TMOD1: variants seen among roughly 807,000 people sequenced by gnomAD.
TMOD1 encodes tropomodulin 1.
Under a neutral mutation model 40.6 loss-of-function variants are expected in TMOD1, and 17 were observed. That is an observed-to-expected ratio of 0.42 (90% CI 0.29 to 0.63). The LOEUF (loss-of-function observed/expected upper bound fraction) is 0.63. TMOD1 is among the 20% of genes least tolerant of loss of function. The probability of loss-of-function intolerance (pLI) is 0.22; values close to 1 mark genes in which losing one functional copy is unlikely to be tolerated. For missense variants in TMOD1, 391 were observed against 447.6 expected (o/e 0.87, Z 1.14); for synonymous variants, 181 against 175.0 (o/e 1.03, Z -0.27).
chr9:97,584,519 G>T (rs929068344), intron 8 of TMOD1, among the ~76,000 whole-genome samples: 6 of 151,068 alleles, frequency 4.0e-5, no homozygotes, highest in Non-Finnish European at 8.9e-5. Flanking sequence ...TATTAGGTCC[G>T]CCTGGTGCAG....
At chr9:97,509,299 T>C (rs1251811140) in intron 1 of TMOD1, among the ~76,000 whole-genome samples, 1 of 152,210 alleles carries the variant, frequency 6.6e-6, no homozygotes, top group Non-Finnish European at 1.5e-5. Context: ...AAATAATCCA[T>C]GTAAAGAGCT....
intron 8 of TMOD1, among the ~76,000 whole-genome samples, chr9:97,585,929 A>G (rs1450901595): frequency 1.4e-5 from 2 of 142,762 alleles, no homozygotes; most frequent in East Asian, 2.1e-4. Flanking sequence ...AAAATTTTCA[A>G]CTTCTTTGCC....
intron 1 of TMOD1, among the ~76,000 whole-genome samples, chr9:97,520,617 C>T (rs1829899857): frequency 6.6e-6 from 1 of 152,230 alleles, no homozygotes; most frequent in South Asian, 2.1e-4. Flanking sequence ...TGCCTCATCA[C>T]TCCATAATAT....
At chr9:97,563,937 T>G in intron 5 of TMOD1, 101 bp from the exon 6 acceptor site, 3 of 1,444,094 alleles carry the variant, frequency 2.1e-6, no homozygotes, top group Non-Finnish European at 2.8e-6. Context: ...AGCCCTCACG[T>G]GCCCCAACCC....
At chr9:97,593,917 T>G (rs1826051726) in intron 9 of TMOD1, among the ~76,000 whole-genome samples, 1 of 151,834 alleles carries the variant, frequency 6.6e-6, no homozygotes, top group Non-Finnish European at 1.5e-5. Context: ...AAAAATGAGT[T>G]CACAAAGTAG....
chr9:97,503,035 C>T (rs558064281), intron 1 of TMOD1, among the ~76,000 whole-genome samples: 1 of 152,338 alleles, frequency 6.6e-6, no homozygotes, highest in Admixed American at 6.5e-5. Context: ...GCCCAAGCTC[C>T]TCCGTGTCTG....
chr9:97,511,097 C>CAG (rs1482314738), intron 1 of TMOD1, among the ~76,000 whole-genome samples: 398 of 151,878 alleles, frequency 2.6e-3, no homozygotes, highest in Middle Eastern at 6.8e-3. Flanking sequence ...CACACACACA[C>CAG]ACACACACAC....
chr9:97,586,016 T>C (rs1316531641), intron 8 of TMOD1, among the ~76,000 whole-genome samples: 1 of 151,858 alleles, frequency 6.6e-6, no homozygotes, highest in Non-Finnish European at 1.5e-5. Flanking sequence ...GTGAAAGTCA[T>C]TCTCCATCCA....
intron 9 of TMOD1, among the ~76,000 whole-genome samples, chr9:97,592,494 C>T (rs1826022463): frequency 6.6e-6 from 1 of 152,028 alleles, no homozygotes; most frequent in Non-Finnish European, 1.5e-5. Flanking sequence ...TTTTAAAGGA[C>T]AGCATCTTCA....
rs144362839 is a variant in TMOD1 at position 97,600,390 on chromosome 9, T to C, written c.*692T>C. The C allele has an allele frequency of 2.4e-4, 233 of 985,926 alleles. 1 individual carries two copies. In the African/African-American group the frequency reaches 3.7e-3, roughly 16 times the overall value. The allele number at this position is 985,926 out of a possible 1,614,324, so 61.1% of individuals were successfully genotyped here. ...CATTACCAATCCCAGGCAACAAACA[T>C]GTCCCTGAGTGTTCTTTAAGAACAT... On this transcript the variant is annotated 3_prime_UTR_variant, in exon 10 of 10. Coordinates refer to ENST00000259365, the MANE Select transcript of TMOD1 (RefSeq NM_003275.4).
At chr9:97,518,688 G>A (rs1829866236) in intron 1 of TMOD1, among the ~76,000 whole-genome samples, 1 of 152,224 alleles carries the variant, frequency 6.6e-6, no homozygotes, top group Admixed American at 6.5e-5. Flanking sequence ...GCCCTGAGAG[G>A]TGCCCCTTAA....
chr9:97,579,657 T>A (rs924667793), intron 8 of TMOD1, among the ~76,000 whole-genome samples: 1 of 152,242 alleles, frequency 6.6e-6, no homozygotes, highest in African/African-American at 2.4e-5. Context: ...GTTTTCATTT[T>A]AATTATTTAG....
intron 1 of TMOD1, among the ~76,000 whole-genome samples, chr9:97,509,971 G>GT (rs1233895710): frequency 6.6e-6 from 1 of 151,800 alleles, no homozygotes. Flanking sequence ...GGCCTGTTCT[G>GT]TTTTTTTATT....
Position 97,501,782 on chromosome 9 carries a change from G to GGCCC in TMOD1, c.-69_-66dup, listed in dbSNP as rs1214969931. ...CTGTTCCGCAGCCCGCGTCCGCGCC[G>GGCCC]GCCCCACAGCTCTGCGTCCGGGTAA... is the stretch of plus-strand genomic sequence containing the variant. On this transcript the variant is annotated 5_prime_UTR_variant, in exon 1 of 10. Transcript: ENST00000259365. The GGCCC allele has an allele frequency of 6.6e-6, 1 of 152,644 alleles. No individual in the cohort carries two copies. The highest frequency in any genetic ancestry group is 1.5e-5 in the Non-Finnish European group (1 of 68,212). 9.5% of individuals were successfully genotyped at this position (152,644 alleles called of 1,614,324 possible). A position where few individuals can be genotyped will look rare whatever the true frequency, so the allele number is the denominator to read the frequency against.
intron 8 of TMOD1, among the ~76,000 whole-genome samples, chr9:97,579,851 A>G (rs1825705287): frequency 6.6e-6 from 1 of 152,188 alleles, no homozygotes; most frequent in African/African-American, 2.4e-5. Context: ...TCCTGGGGTC[A>G]GGATCAGGAA....
At chr9:97,546,374 C>T in intron 3 of TMOD1, 33 bp downstream of exon 3, 1 of 1,603,940 alleles carries the variant, frequency 6.2e-7, no homozygotes, top group Non-Finnish European at 8.5e-7. Flanking sequence ...TAATATGCCA[C>T]TCCCCATGCA....
intron 1 of TMOD1, chr9:97,516,075 C>CTCCTTCCACACCTTA (rs1829801553): frequency 6.6e-6 from 1 of 152,218 alleles, no homozygotes; most frequent in African/African-American, 2.4e-5. Context: ...CCTTACCCTA[C>CTCCTTCCACACCTTA]CCCTGCCCAC....
At chr9:97,535,660 G>A (rs1478751245) in intron 2 of TMOD1, among the ~76,000 whole-genome samples, 2 of 152,254 alleles carry the variant, frequency 1.3e-5, no homozygotes, top group Admixed American at 6.5e-5. Flanking sequence ...AGGCAGGAAA[G>A]GAGGATTTGG....
chr9:97,565,470 C>T (rs1394664847), intron 6 of TMOD1, among the ~76,000 whole-genome samples: 3 of 152,034 alleles, frequency 2.0e-5, no homozygotes, highest in African/African-American at 7.2e-5. Flanking sequence ...AGGAGGCTTC[C>T]ACAGAGACAC....
Sources: gnomAD v4.1 joint callset for allele counts (sites outside exome capture counted in the v4.1 genomes callset) on GRCh38, gnomAD v4.1.1 for gene constraint, MANE v1.5 for transcripts, NCBI Gene and HGNC (gene_info 2026-07-23, HGNC 2026-07-21) for gene names.